IL1RAPL2: variants seen among roughly 807,000 people sequenced by gnomAD.
IL1RAPL2 encodes X-linked interleukin-1 receptor accessory protein-like 2.
IL1RAPL2 carries 3 observed loss-of-function variants against 44.1 expected under a neutral mutation model. That is an observed-to-expected ratio of 0.07 (90% CI 0.03 to 0.18). IL1RAPL2 has a LOEUF of 0.18. Ranked by LOEUF, IL1RAPL2 falls within the 10% of genes least tolerant of loss-of-function variation. The pLI is 1.00. For synonymous variants in IL1RAPL2, 181 were observed against 178.8 expected (o/e 1.01, Z -0.10); for missense variants, 391 against 496.4 (o/e 0.79, Z 2.02).
At chrX:105,457,275 CTATT>C (rs1338496262) in intron 5 of IL1RAPL2, among the ~76,000 whole-genome samples, 7 of 111,681 alleles carry the variant, frequency 6.3e-5, no homozygotes, top group Non-Finnish European at 1.3e-4. Flanking sequence ...ATCATTTTAA[CTATT>C]TATAAATGCA....
At chrX:104,838,124 C>T (rs772482173) in intron 2 of IL1RAPL2, among the ~76,000 whole-genome samples, 3 of 111,849 alleles carry the variant, frequency 2.7e-5, no homozygotes, top group Non-Finnish European at 3.8e-5. Flanking sequence ...GTTTTGGTTA[C>T]TGTAGCCTTG....
chrX:104,898,863 A>C (rs1213336103), intron 2 of IL1RAPL2, among the ~76,000 whole-genome samples: 2 of 112,543 alleles, frequency 1.8e-5, no homozygotes, highest in Non-Finnish European at 3.8e-5. Flanking sequence ...TAGTCAAAAA[A>C]TCATTTTGCT....
intron 2 of IL1RAPL2, among the ~76,000 whole-genome samples, chrX:105,121,072 G>A (rs919516298): frequency 1.8e-5 from 2 of 111,733 alleles, no homozygotes; most frequent in African/African-American, 6.5e-5. Context: ...GCTATGGGCA[G>A]AACTGTAATA....
At chrX:104,713,470 G>T (rs761037160) in intron 2 of IL1RAPL2, among the ~76,000 whole-genome samples, 113 of 110,927 alleles carry the variant, frequency 1.0e-3, no homozygotes, top group African/African-American at 3.3e-3. Flanking sequence ...TCAGGACAGA[G>T]AACTTGTTTT....
chrX:104,983,485 TTA>T (rs1491445229), intron 2 of IL1RAPL2, among the ~76,000 whole-genome samples: 3 of 98,212 alleles, frequency 3.1e-5, no homozygotes, highest in Non-Finnish European at 5.9e-5. Context: ...TTATATAATA[TTA>T]TATTAGATAC....
intron 3 of IL1RAPL2, among the ~76,000 whole-genome samples, chrX:105,221,483 T>G (rs1312995111): frequency 1.8e-5 from 2 of 110,860 alleles, no homozygotes; most frequent in Admixed American, 1.9e-4. Flanking sequence ...CAGAGAGCTA[T>G]TCCCAGCAAC....
At chrX:105,623,557 G>A (rs2037434488) in intron 6 of IL1RAPL2, among the ~76,000 whole-genome samples, 2 of 110,821 alleles carry the variant, frequency 1.8e-5, no homozygotes, top group South Asian at 7.6e-4. Context: ...ATGCCCACAT[G>A]AAGATCCTCC....
At chrX:104,780,912 TCTTA>T (rs1383467794) in intron 2 of IL1RAPL2, among the ~76,000 whole-genome samples, 28 of 111,668 alleles carry the variant, frequency 2.5e-4, no homozygotes, top group African/African-American at 8.8e-4. Context: ...ACAGACTCAT[TCTTA>T]CTTTTAGAGT....
intron 5 of IL1RAPL2, among the ~76,000 whole-genome samples, chrX:105,461,098 A>G (rs1456009599): frequency 8.9e-6 from 1 of 111,771 alleles, no homozygotes; most frequent in Non-Finnish European, 1.9e-5. Context: ...AAGAAGATTA[A>G]ATGAAATGAT....
intron 6 of IL1RAPL2, among the ~76,000 whole-genome samples, chrX:105,640,123 T>G (rs1380225841): frequency 9.0e-6 from 1 of 111,573 alleles, no homozygotes; most frequent in Non-Finnish European, 1.9e-5. Flanking sequence ...TTGCTTGTGT[T>G]TTTTGAAATA....
chrX:105,042,664 G>T (rs2031765853), intron 2 of IL1RAPL2, among the ~76,000 whole-genome samples: 1 of 102,964 alleles, frequency 9.7e-6, no homozygotes, highest in African/African-American at 3.5e-5. Context: ...GTGGAAGTCA[G>T]TGTGGCGATT....
At chrX:104,624,158 T>C (rs1237622799) in intron 1 of IL1RAPL2, among the ~76,000 whole-genome samples, 3 of 111,900 alleles carry the variant, frequency 2.7e-5, no homozygotes, top group Non-Finnish European at 5.6e-5. Flanking sequence ...TGACAAAAAA[T>C]GACTTCCTAT....
intron 5 of IL1RAPL2, among the ~76,000 whole-genome samples, chrX:105,301,420 C>T (rs966655909): frequency 1.8e-5 from 2 of 111,282 alleles, no homozygotes; most frequent in Non-Finnish European, 3.8e-5. Context: ...TCCAGTTATA[C>T]TATTTTTGTT....
intron 5 of IL1RAPL2, among the ~76,000 whole-genome samples, chrX:105,366,767 T>C (rs186429932): frequency 8.9e-6 from 1 of 111,770 alleles, no homozygotes; most frequent in African/African-American, 3.2e-5. Context: ...ACAGATTATC[T>C]GTCCTGGAAT....
rs1188836126 is a variant in IL1RAPL2, at chrX:104,850,769, G to C, written c.82+191774G>C. On this transcript the variant is annotated intron_variant, in intron 2 of 10. Coordinates refer to ENST00000372582, the MANE Select transcript of IL1RAPL2 (RefSeq NM_017416.2). Reference sequence around the variant, plus strand: ...TATTTTAATACTAGCAGAAAAGTCAGCAGATTTAAAGTGGGTAGAAAAAAT... The same window carrying C: ...TATTTTAATACTAGCAGAAAAGTCACCAGATTTAAAGTGGGTAGAAAAAAT... 2.7e-5 allele frequency among the ~76,000 whole-genome samples: 3 copies of C among 111,125 alleles called. No individual in the cohort carries two copies. The Admixed American group carries it at 2.9e-4, about 11-fold the overall frequency.
chrX:105,620,679 G>A (rs2037413146), intron 6 of IL1RAPL2, among the ~76,000 whole-genome samples: 1 of 109,204 alleles, frequency 9.2e-6, no homozygotes, highest in African/African-American at 3.3e-5. Context: ...AATTCCCCTA[G>A]AAGGTGATAT....
chrX:105,262,862 G>T (rs778828071), intron 4 of IL1RAPL2, among the ~76,000 whole-genome samples: 1 of 110,708 alleles, frequency 9.0e-6, no homozygotes, highest in Non-Finnish European at 1.9e-5. Flanking sequence ...TCTTTAAACT[G>T]CAGACAGTTC....
intron 6 of IL1RAPL2, among the ~76,000 whole-genome samples, chrX:105,666,969 C>T (rs1161950622): frequency 9.0e-6 from 1 of 111,713 alleles, no homozygotes; most frequent in Admixed American, 9.5e-5. Flanking sequence ...CTGGCATTGT[C>T]TTTACACAAT....
At chrX:104,902,173 C>A (rs1319783659) in intron 2 of IL1RAPL2, among the ~76,000 whole-genome samples, 1 of 111,548 alleles carries the variant, frequency 9.0e-6, no homozygotes, top group African/African-American at 3.3e-5. Flanking sequence ...AAAGTAGCTT[C>A]TTTTTCCCTC....
Sources: allele counts gnomAD v4.1 joint callset (sites outside exome capture counted in the v4.1 genomes callset), GRCh38; gene constraint gnomAD v4.1.1; transcripts MANE v1.5; gene names NCBI Gene and HGNC (gene_info 2026-07-23, HGNC 2026-07-21).